Variants in LIMK2 observed in about 807,000 individuals in gnomAD.
The protein encoded by LIMK2 is LIM domain kinase 2.
LIMK2 carries 35 observed loss-of-function variants against 75.7 expected under a neutral mutation model. The observed-to-expected ratio is 0.46, with a 90% CI of 0.35 to 0.61. LIMK2 has a LOEUF of 0.61. LIMK2 is among the 20% of genes least tolerant of loss of function. The pLI is 0.00. For synonymous variants in LIMK2, 301 were observed against 319.2 expected (o/e 0.94, Z 0.61); for missense variants, 623 against 831.0 (o/e 0.75, Z 3.08).
rs1388084437 is a variant in LIMK2, at chr22:31,213,769, A to AT, written c.16+1353dup. 4.6e-5 allele frequency among the ~76,000 whole-genome samples: 7 copies of AT among 151,324 alleles called. No homozygotes were observed. The East Asian group carries it at 7.8e-4, about 17-fold the overall frequency. On this transcript the variant is annotated intron_variant, in intron 1 of 15. Transcript: ENST00000331728. ...AACAAAACCTTGTCTCTTAAAAAAG[A>AT]TTTTTTTTAAGCTTACAGAGTCCTT...
chr22:31,232,727 G>C (rs983294312), intron 2 of LIMK2, among the ~76,000 whole-genome samples: 1 of 152,050 alleles, frequency 6.6e-6, no homozygotes, highest in Non-Finnish European at 1.5e-5. Flanking sequence ...CTCCTGAGTA[G>C]CTGGGACTAC....
intron 1 of LIMK2, among the ~76,000 whole-genome samples, chr22:31,214,000 G>T (rs986104845): frequency 2.0e-5 from 3 of 152,004 alleles, no homozygotes; most frequent in Non-Finnish European, 4.4e-5. Flanking sequence ...GGTATATTTA[G>T]TAGAGATGGG....
chr22:31,276,463 AGCCCCGGCGGCGGCC>A (rs2049017894), intron 15 of LIMK2, among the ~76,000 whole-genome samples: 3 of 138,300 alleles, frequency 2.2e-5, no homozygotes. Flanking sequence ...CGGCGGCGGC[AGCCCCGGCGGCGGCC>A]GCAGGGGACA....
intron 2 of LIMK2, among the ~76,000 whole-genome samples, chr22:31,240,498 A>C (rs913382925): frequency 6.7e-6 from 1 of 149,334 alleles, no homozygotes; most frequent in African/African-American, 2.5e-5. Context: ...ATCTCAGCTC[A>C]CTGCAATCTC....
At position 31,232,253 on chromosome 22, in the gene LIMK2, G is replaced by GAAA. The variant is rs34104927; in HGVS notation, c.116+6448_116+6450dup. ...CTGCTTTCCACTAGGACTCCCAGGA[G>GAAA]AAAAAAAAAAAAAAAACAGTAGACT... On this transcript the variant is annotated intron_variant, in intron 2 of 15. Coordinates refer to ENST00000331728, the MANE Select transcript of LIMK2 (RefSeq NM_005569.4). 1.5e-3 allele frequency among the ~76,000 whole-genome samples: 196 copies of GAAA among 130,312 alleles called. 2 individuals are homozygous for GAAA. The South Asian group carries it at 0.018, about 12-fold the overall frequency. The allele number at this position is 130,312 out of a possible 152,430, so 85.5% of individuals were successfully genotyped here. A position where few individuals can be genotyped will look rare whatever the true frequency, so the allele number is the denominator to read the frequency against.
chr22:31,221,666 G>T (rs1321628576), intron 1 of LIMK2, among the ~76,000 whole-genome samples: 4 of 151,868 alleles, frequency 2.6e-5, no homozygotes, highest in Admixed American at 2.0e-4. Flanking sequence ...TGTATTTGTA[G>T]TAGAGACAAG....
rs2048892577 is a variant in LIMK2 at position 31,266,100 on chromosome 22, C to G, written c.1009C>G (p.Leu337Val). Reference protein sequence around the residue: ...RPCDLIHGEVLGKGFFGQAIK... With the variant: ...RPCDLIHGEVVGKGFFGQAIK... ...CTGTGACCTAATCCATGGGGAGGTC[C>G]TGGGGAAGGGCTTCTTTGGGCAGGC... The change falls in exon 8 of 16, where the codon CTG becomes GTG. Residue 337 changes from leucine to valine, a missense_variant. Physicochemically the swap from Leu to Val is conservative, Grantham distance 32. This residue lies in a region of LIMK2 where 514 missense variants were observed against 661.3 expected (regional missense o/e 0.78). Transcript: ENST00000331728. 1 of 1,614,082 alleles carries G rather than the reference C, an allele frequency of 6.2e-7. No individual in the cohort carries two copies. Among genetic ancestry groups the G allele is most frequent in the African/African-American group, 1.3e-5 (1 of 74,932 alleles).
chr22:31,259,011 G>A (rs1282665556), intron 3 of LIMK2, 110 bp from the exon 4 acceptor site: 15 of 654,880 alleles, frequency 2.3e-5, no homozygotes, highest in Non-Finnish European at 4.2e-5. Flanking sequence ...AGTGGATTTT[G>A]ACGGGGGCCT....
rs1569006566 is a variant in LIMK2 at position 31,277,622 on chromosome 22, A to AT, written c.1773-675_1773-674insT. On this transcript the variant is annotated intron_variant, in intron 15 of 15. Transcript: ENST00000331728. ...TCTAAATATCTTTAATTTATTAAAA[A>AT]ATATATATATACAGTATTGAATGCC... 3 of 834,324 alleles carry AT rather than the reference A, an allele frequency of 3.6e-6. No individual in the cohort carries two copies. The African/African-American group carries it at 5.6e-5, about 15-fold the overall frequency. The allele number at this position is 834,324 out of a possible 1,614,324, so 51.7% of individuals were successfully genotyped here.
chr22:31,231,049 C>T (rs2048524073), intron 2 of LIMK2, among the ~76,000 whole-genome samples: 1 of 152,224 alleles, frequency 6.6e-6, no homozygotes, highest in South Asian at 2.1e-4. Context: ...TTTAAAGTCA[C>T]AGAGCTAATA....
At chr22:31,242,417 C>T (rs1490229062) in intron 2 of LIMK2, among the ~76,000 whole-genome samples, 1 of 152,214 alleles carries the variant, frequency 6.6e-6, no homozygotes, top group Admixed American at 6.5e-5. Flanking sequence ...ATGAATACAT[C>T]CCCAGCGCCT....
At chr22:31,277,147 C>G in intron 15 of LIMK2, 1 of 1,613,506 alleles carries the variant, frequency 6.2e-7, no homozygotes. Context: ...GTGAGGGTCC[C>G]CGACCCAGGC....
At chr22:31,247,161 G>A (rs1247924234) in intron 2 of LIMK2, among the ~76,000 whole-genome samples, 1 of 152,204 alleles carries the variant, frequency 6.6e-6, no homozygotes, top group African/African-American at 2.4e-5. Context: ...TGAGCGGTGT[G>A]TGCCTGGTAA....
At chr22:31,272,122 G>A (rs1175960035) in intron 12 of LIMK2, among the ~76,000 whole-genome samples, 1 of 152,100 alleles carries the variant, frequency 6.6e-6, no homozygotes, top group African/African-American at 2.4e-5. Context: ...GTGCAGTGGT[G>A]CAATCTTGGC....
chr22:31,222,833 G>A (rs1025789334), intron 1 of LIMK2: 4 of 152,162 alleles, frequency 2.6e-5, no homozygotes, highest in African/African-American at 4.8e-5. Flanking sequence ...TTTAATGTAT[G>A]TGCTGCTGAA....
Position 31,277,186 on chromosome 22 carries a change from A to C in LIMK2, c.1773-1111A>C, listed in dbSNP as rs112866018. 2 of 1,610,654 alleles carry C rather than the reference A, an allele frequency of 1.2e-6. 1 individual carries two copies. The highest frequency in any genetic ancestry group is 4.1e-4 in the Middle Eastern group (2 of 4,848). On this transcript the variant is annotated intron_variant, in intron 15 of 15. Coordinates refer to ENST00000331728, the MANE Select transcript of LIMK2 (RefSeq NM_005569.4). ...CGGTGGCTCCCATAGGACAATCGCTACCCCCCGACCTCGTAGCAACAGCAA... is the reference window on the plus strand; with the variant it reads ...CGGTGGCTCCCATAGGACAATCGCTCCCCCCCGACCTCGTAGCAACAGCAA...
intron 2 of LIMK2, among the ~76,000 whole-genome samples, chr22:31,234,334 A>G (rs1258410014): frequency 6.6e-6 from 1 of 150,966 alleles, no homozygotes; most frequent in African/African-American, 2.4e-5. Flanking sequence ...CTTAAAAAAA[A>G]AAAAAACAAA....
intron 5 of LIMK2, among the ~76,000 whole-genome samples, chr22:31,261,825 G>A (rs2048843180): frequency 6.6e-6 from 1 of 152,204 alleles, no homozygotes; most frequent in African/African-American, 2.4e-5. Flanking sequence ...CGTGATCCAG[G>A]TAAGAGATGT....
At chr22:31,224,112 A>G (rs2094832867) in intron 1 of LIMK2, among the ~76,000 whole-genome samples, 1 of 152,198 alleles carries the variant, frequency 6.6e-6, no homozygotes, top group Non-Finnish European at 1.5e-5. Context: ...GGAGTCTTGT[A>G]ACAACCTTGT....
Sources: allele counts gnomAD v4.1 joint callset (sites outside exome capture counted in the v4.1 genomes callset), GRCh38; gene constraint gnomAD v4.1.1; regional missense constraint gnomAD v4.1.1; transcripts MANE v1.5; gene names NCBI Gene and HGNC (gene_info 2026-07-23, HGNC 2026-07-21).